Variants in CACNA1B observed in about 807,000 individuals in gnomAD.
CACNA1B encodes the protein calcium voltage-gated channel subunit alpha1 B.
In CACNA1B, 70 loss-of-function variants were observed where a neutral mutation model predicts 247.2. The ratio of observed to expected loss-of-function variants is 0.28; its 90% confidence interval spans 0.23 to 0.35. The LOEUF (loss-of-function observed/expected upper bound fraction) is 0.35, where lower values mean the gene tolerates loss of function less well. CACNA1B is among the 10% of genes least tolerant of loss of function. The pLI is 1.00. For synonymous variants in CACNA1B, 1,231 were observed against 1,294.4 expected, an observed-to-expected ratio of 0.95 and a Z score of 1.05; for missense variants, 2,367 against 3,197.4, an observed-to-expected ratio of 0.74 and a Z score of 6.26.
chr9:138,044,192 G>A lies in CACNA1B; in HGVS notation c.3413+292G>A, dbSNP rs563355849. On this transcript the variant is annotated intron_variant, in intron 21 of 46. Coordinates refer to ENST00000371372, the MANE Select transcript of CACNA1B (RefSeq NM_000718.4). ...ACAGGGACGCCGTCTGCCCTGTGTC[G>A]CAAACACACTTCCATCCATCTGCCT... 7.2e-5 allele frequency among the ~76,000 whole-genome samples: 11 copies of A among 152,332 alleles called. No individual in the cohort carries two copies. In the South Asian group the frequency reaches 8.3e-4, roughly 11 times the overall value.
In CACNA1B at chr9:138,047,318, A is replaced by G. The variant is rs1030492885; in HGVS notation, c.3544-81A>G. ...CCTGGCTGACTGCTCAGAGGCCTGG[A>G]GGAAAAACTCGGAGCCACCGAGGGC... is the stretch of plus-strand genomic sequence containing the variant. On this transcript the variant is annotated intron_variant, in intron 22 of 46. Coordinates refer to ENST00000371372, the MANE Select transcript of CACNA1B (RefSeq NM_000718.4). The G allele has an allele frequency of 4.7e-6, 5 of 1,058,240 alleles. No homozygotes were observed. In the African/African-American group the frequency reaches 7.8e-5, roughly 16 times the overall value. The allele number at this position is 1,058,240 out of a possible 1,614,324, so 65.6% of individuals were successfully genotyped here. A position where few individuals can be genotyped will look rare whatever the true frequency, so the allele number is the denominator to read the frequency against.
At chr9:137,981,363 G>A (rs1958291430) in intron 12 of CACNA1B, among the ~76,000 whole-genome samples, 1 of 152,092 alleles carries the variant, frequency 6.6e-6, no homozygotes, top group African/African-American at 2.4e-5. Flanking sequence ...CAGTTTCCTT[G>A]GTTTATCTCT....
chr9:137,915,003 G>A (rs1180498293), intron 5 of CACNA1B, among the ~76,000 whole-genome samples, 197 bp downstream of exon 5: 1 of 152,246 alleles, frequency 6.6e-6, no homozygotes, highest in Non-Finnish European at 1.5e-5. Context: ...ATTATCGATT[G>A]TAGTAACTTT....
rs186660696 is a variant in CACNA1B at position 137,924,541 on chromosome 9, C to T, written c.966+7110C>T. 4.4e-3 allele frequency among the ~76,000 whole-genome samples: 675 copies of T among 152,262 alleles called. 5 individuals are homozygous for T. Among genetic ancestry groups the T allele is most frequent in the African/African-American group, 0.015 (630 of 41,546 alleles). On this transcript the variant is annotated intron_variant, in intron 6 of 46. Transcript: ENST00000371372. ...CGTGTCTTTCTCTCTGCCAATACCA[C>T]GTAGTCTTGCTTATTGTAGTTACCT...
At position 138,001,711 on chromosome 9, in the gene CACNA1B, G is replaced by A. The variant is rs149199853; in HGVS notation, c.1975-5056G>A. Among the ~76,000 whole-genome samples the A allele has an allele frequency of 3.0e-3, 455 of 152,110 alleles. 2 individuals are homozygous for A. The highest frequency in any genetic ancestry group is 0.01 in the African/African-American group (431 of 41,532). On this transcript the variant is annotated intron_variant, in intron 15 of 46. Coordinates refer to ENST00000371372, the MANE Select transcript of CACNA1B (RefSeq NM_000718.4). ...TATAATAAGAAAATTCATCAGTATT[G>A]CTGAACATAGGATAAATGTACAAAA...
In CACNA1B at chr9:137,906,532, A is replaced by C. The variant is rs919825188; in HGVS notation, c.531-6648A>C. Among the ~76,000 whole-genome samples the C allele has an allele frequency of 3.3e-5, 5 of 152,158 alleles. No individual in the cohort carries two copies. The East Asian group carries it at 9.6e-4, about 29-fold the overall frequency. Reference sequence around the variant, plus strand: ...TGCATGTCCATGTGTTGTCTTATTTAACATACGTCTTTCTCTGCATCCCCG... The same window carrying C: ...TGCATGTCCATGTGTTGTCTTATTTCACATACGTCTTTCTCTGCATCCCCG... On this transcript the variant is annotated intron_variant, in intron 3 of 46. Transcript: ENST00000371372.
In CACNA1B at chr9:138,005,856, A is replaced by C. The variant is rs1958641073; in HGVS notation, c.1975-911A>C. ...CAGGAGATGGAGACCATCCTGGCTA[A>C]TGCGGTGAAACCCCGTCTCTACTAA... is the stretch of plus-strand genomic sequence containing the variant. On this transcript the variant is annotated intron_variant, in intron 15 of 46. Transcript: ENST00000371372. Among the ~76,000 whole-genome samples, 4 of 152,272 alleles carry C rather than the reference A, an allele frequency of 2.6e-5. No homozygotes were observed. In the South Asian group the frequency reaches 8.3e-4, roughly 32 times the overall value.
intron 36 of CACNA1B, among the ~76,000 whole-genome samples, chr9:138,094,458 AAGAAG>A (rs1311266714): frequency 3.6e-5 from 4 of 110,280 alleles, no homozygotes; most frequent in African/African-American, 1.2e-4. Context: ...AAAAAAAAAA[AAGAAG>A]AAGAAGAAGA....
At chr9:138,056,074 A>G (rs1197819120) in intron 26 of CACNA1B, among the ~76,000 whole-genome samples, 2 of 152,216 alleles carry the variant, frequency 1.3e-5, no homozygotes, top group Non-Finnish European at 2.9e-5. Flanking sequence ...TTGAGATGTA[A>G]CTAACACATT....
chr9:137,951,679 A>G (rs2133336767), intron 6 of CACNA1B, among the ~76,000 whole-genome samples: 1 of 152,366 alleles, frequency 6.6e-6, no homozygotes, highest in Non-Finnish European at 1.5e-5. Flanking sequence ...TATAAAAAGC[A>G]AAAGATCTGG....
rs1427971723 is a variant in CACNA1B, at chr9:138,100,281, G to A, written c.5223-2430G>A. 1.3e-5 allele frequency among the ~76,000 whole-genome samples: 2 copies of A among 152,324 alleles called. No individual in the cohort carries two copies. Among genetic ancestry groups the A allele is most frequent in the East Asian group, 3.9e-4 (2 of 5,182 alleles). Reference sequence around the variant, plus strand: ...GGAAGGCTGAGACCGTTTGAGAAAGGCATTGAAATTGGTTGAACAAGTCGC... The same window carrying A: ...GGAAGGCTGAGACCGTTTGAGAAAGACATTGAAATTGGTTGAACAAGTCGC... On this transcript the variant is annotated intron_variant, in intron 37 of 46. Transcript: ENST00000371372. This position sits in a 1 kb window ranked among gnomAD's most constrained non-coding sequence, Gnocchi z 4.6.
Position 138,054,085 on chromosome 9 carries a change from G to A in CACNA1B, c.3968+79G>A. On this transcript the variant is annotated intron_variant, in intron 26 of 46. Transcript: ENST00000371372. The surrounding 1 kb of genome is among the most constrained non-coding windows in gnomAD (Gnocchi z 4.6). Reference sequence around the variant, plus strand: ...ACTGGGAGTTCCCTTGGGACCAGGTGGAGCTGGTCACACGGCGTGGGAGAC... The same window carrying A: ...ACTGGGAGTTCCCTTGGGACCAGGTAGAGCTGGTCACACGGCGTGGGAGAC... 1 of 1,370,466 alleles carries A rather than the reference G, an allele frequency of 7.3e-7. No individual in the cohort carries two copies. Among genetic ancestry groups the A allele is most frequent in the Non-Finnish European group, 1.0e-6 (1 of 965,012 alleles). The allele number at this position is 1,370,466 out of a possible 1,614,324, so 84.9% of individuals were successfully genotyped here.
In CACNA1B at chr9:138,012,187, C is replaced by A. The variant is rs1002325122; in HGVS notation, c.2161-942C>A. Among the ~76,000 whole-genome samples, 6 of 152,310 alleles carry A rather than the reference C, an allele frequency of 3.9e-5. No homozygotes were observed. Among genetic ancestry groups the A allele is most frequent in the Non-Finnish European group, 8.8e-5 (6 of 68,030 alleles). On this transcript the variant is annotated intron_variant, in intron 17 of 46. Transcript: ENST00000371372. This position sits in a 1 kb window ranked among gnomAD's most constrained non-coding sequence, Gnocchi z 4.2. The stretch of plus-strand genomic sequence containing the variant: ...GGGGGAGACAGGGAGAGGCTTCTGA[C>A]AGCCACAGCTGGGGAAATGGGGACA...
rs1372041741 is a variant in CACNA1B at position 137,917,689 on chromosome 9, C to T, written c.966+258C>T. 6.6e-6 allele frequency among the ~76,000 whole-genome samples: 1 copy of T among 152,254 alleles called. No individual in the cohort carries two copies. Among genetic ancestry groups the T allele is most frequent in the Non-Finnish European group, 1.5e-5 (1 of 68,048 alleles). On this transcript the variant is annotated intron_variant, in intron 6 of 46. Coordinates refer to ENST00000371372, the MANE Select transcript of CACNA1B (RefSeq NM_000718.4). This position sits in a 1 kb window ranked among gnomAD's most constrained non-coding sequence, Gnocchi z 5.5. ...TCCTTCGTGAAAATGAAGCAGAAGGCTGACTGGTGGAGGTCAGAGAAGAAA... is the reference window on the plus strand; with the variant it reads ...TCCTTCGTGAAAATGAAGCAGAAGGTTGACTGGTGGAGGTCAGAGAAGAAA...
chr9:137,993,606 G>A (rs1958461306), intron 15 of CACNA1B, among the ~76,000 whole-genome samples: 1 of 152,112 alleles, frequency 6.6e-6, no homozygotes, highest in Non-Finnish European at 1.5e-5. Context: ...AGAGGAGATG[G>A]ATAAATTCCT....
Position 138,122,198 on chromosome 9 carries a change from T to C in CACNA1B, c.*199T>C, listed in dbSNP as rs1962127368. On this transcript the variant is annotated 3_prime_UTR_variant, in exon 47 of 47. Coordinates refer to ENST00000371372, the MANE Select transcript of CACNA1B (RefSeq NM_000718.4). ...CCCTGTTAGAGGATGCGGCTCTCTC[T>C]GTCCCCTTCCTGTCCTGCCTTCCTG... 3.3e-6 allele frequency: 2 copies of C among 598,052 alleles called. No homozygotes were observed. The highest frequency in any genetic ancestry group is 5.9e-6 in the Non-Finnish European group (2 of 336,822). 37.0% of individuals were successfully genotyped at this position (598,052 alleles called of 1,614,324 possible). A position where few individuals can be genotyped will look rare whatever the true frequency, so the allele number is the denominator to read the frequency against.
chr9:138,047,280 G>A, intron 22 of CACNA1B, 119 bp from the exon 23 acceptor site: 2 of 816,632 alleles, frequency 2.4e-6, no homozygotes, highest in South Asian at 3.2e-5. Context: ...GTTTTCCACA[G>A]GCTTCCTGGC....
At chr9:137,923,368 T>G (rs1270242957) in intron 6 of CACNA1B, among the ~76,000 whole-genome samples, 1 of 148,610 alleles carries the variant, frequency 6.7e-6, no homozygotes, top group Non-Finnish European at 1.5e-5. Context: ...TGGCTCCAGG[T>G]GGTATTCCGT....
At chr9:137,931,333 T>G (rs1957605310) in intron 6 of CACNA1B, among the ~76,000 whole-genome samples, 1 of 152,184 alleles carries the variant, frequency 6.6e-6, no homozygotes, top group Non-Finnish European at 1.5e-5. Flanking sequence ...CCTGTGTAAA[T>G]GAAGACCAGG....
Sources: allele counts gnomAD v4.1 joint callset (sites outside exome capture counted in the v4.1 genomes callset), GRCh38; gene constraint gnomAD v4.1.1; non-coding constraint Gnocchi (gnomAD v3.1); transcripts MANE v1.5; gene names NCBI Gene and HGNC (gene_info 2026-07-23, HGNC 2026-07-21).